The following GRIP1 variants were observed in gnomAD, a reference collection of about 807,000 sequenced individuals.
The protein encoded by GRIP1 is glutamate receptor-interacting protein 1.
A neutral mutation model predicts 129.9 loss-of-function variants in GRIP1; 45 were observed. The observed-to-expected ratio is 0.35, with a 90% CI of 0.27 to 0.44. The LOEUF is 0.44. Ranked by LOEUF, GRIP1 falls within the 20% of genes least tolerant of loss-of-function variation. The pLI is 1.00. For missense variants in GRIP1, 1,196 were observed against 1,396.8 expected, an observed-to-expected ratio of 0.86 and a Z score of 2.29; for synonymous variants, 530 against 520.8, an observed-to-expected ratio of 1.02 and a Z score of -0.24.
At chr12:66,611,272 T>C (rs2139879709) in intron 1 of GRIP1, among the ~76,000 whole-genome samples, 1 of 152,256 alleles carries the variant, frequency 6.6e-6, no homozygotes, top group East Asian at 1.9e-4. Context: ...TCAAATGACA[T>C]TTTTTCTTTC....
At chr12:66,402,080 G>A (rs2057022478) in intron 16 of GRIP1, among the ~76,000 whole-genome samples, 1 of 152,124 alleles carries the variant, frequency 6.6e-6, no homozygotes, top group Admixed American at 6.5e-5. Context: ...TTATGCTTGA[G>A]CCATATCTGC....
rs2063501446 is a variant in GRIP1, at chr12:66,583,795, T to G, written c.136+13052A>C. Among the ~76,000 whole-genome samples, 2 of 134,254 alleles carry G rather than the reference T, an allele frequency of 1.5e-5. 1 individual carries two copies. The highest frequency in any genetic ancestry group is 5.5e-5 in the African/African-American group (2 of 36,626). 88.1% of individuals were successfully genotyped at this position (134,254 alleles called of 152,430 possible). A position where few individuals can be genotyped will look rare whatever the true frequency, so the allele number is the denominator to read the frequency against. ...GAGGATGTGGAGAAATAGGAACACT[T>G]TTACACTGTTGGTGGGACTGTAAAC... is the stretch of plus-strand genomic sequence containing the variant. On this transcript the variant is annotated intron_variant, in intron 2 of 24. Transcript: ENST00000359742.
chr12:66,513,522 A>G (rs1329331733), intron 7 of GRIP1, among the ~76,000 whole-genome samples: 1 of 152,094 alleles, frequency 6.6e-6, no homozygotes, highest in Admixed American at 6.6e-5. Flanking sequence ...ATGCATATCT[A>G]TATCTATAAT....
In GRIP1 at chr12:66,815,511, A is replaced by C. The variant is rs986383012; in HGVS notation, c.59-218584T>G. On this transcript the variant is annotated intron_variant, in intron 1 of 1. Transcript: ENST00000643019. ...CACAGTGACTCATGCCTACAATCCC[A>C]GCACTTTGGGAGGCTGGGGTGAGTG... is the stretch of plus-strand genomic sequence containing the variant. 2.0e-5 allele frequency among the ~76,000 whole-genome samples: 3 copies of C among 152,188 alleles called. No homozygotes were observed. In the South Asian group the frequency reaches 6.2e-4, roughly 31 times the overall value.
intron 1 of GRIP1, among the ~76,000 whole-genome samples, chr12:66,600,922 T>C (rs1470511220): frequency 6.6e-6 from 1 of 152,226 alleles, no homozygotes; most frequent in Non-Finnish European, 1.5e-5. Flanking sequence ...GCCAGCCTTT[T>C]CTAACGACAT....
intron 1 of GRIP1, among the ~76,000 whole-genome samples, chr12:66,672,300 T>C (rs1176842139): frequency 2.6e-5 from 4 of 152,178 alleles, no homozygotes; most frequent in Non-Finnish European, 4.4e-5. Context: ...GTAGTTGGAA[T>C]TATTAGTAAG....
chr12:66,629,578 C>T (rs1475967722), intron 1 of GRIP1, among the ~76,000 whole-genome samples: 1 of 152,164 alleles, frequency 6.6e-6, no homozygotes, highest in Non-Finnish European at 1.5e-5. Context: ...AATTTTTCCA[C>T]AGAAGTCAAT....
intron 7 of GRIP1, among the ~76,000 whole-genome samples, chr12:66,469,252 G>A (rs1361265252): frequency 6.6e-6 from 1 of 152,112 alleles, no homozygotes; most frequent in Admixed American, 6.5e-5. Flanking sequence ...AATTTCCCTA[G>A]TCATTACAAT....
At chr12:66,783,663 C>T (rs1340442456) in intron 1 of GRIP1, among the ~76,000 whole-genome samples, 1 of 152,122 alleles carries the variant, frequency 6.6e-6, no homozygotes, top group Admixed American at 6.5e-5. Context: ...TTACAGTTTT[C>T]TTCTTAAGTA....
At chr12:66,913,323 T>C (rs972507565) in intron 1 of GRIP1, among the ~76,000 whole-genome samples, 3 of 152,204 alleles carry the variant, frequency 2.0e-5, no homozygotes, top group African/African-American at 7.2e-5. Flanking sequence ...TGGAGCATTT[T>C]GCAAGATTAA....
intron 1 of GRIP1, among the ~76,000 whole-genome samples, chr12:66,797,709 G>A (rs1002214516): frequency 5.3e-5 from 8 of 152,078 alleles, no homozygotes; most frequent in Non-Finnish European, 1.0e-4. Flanking sequence ...CTGAGTTCTG[G>A]TCCTTTCTAA....
chr12:66,657,361 G>T (rs531219909), intron 1 of GRIP1, among the ~76,000 whole-genome samples: 2 of 152,292 alleles, frequency 1.3e-5, no homozygotes, highest in East Asian at 3.9e-4. Flanking sequence ...TTTGGGATGG[G>T]AAGGCAGTGG....
At chr12:66,477,970 A>C (rs2059674606) in intron 7 of GRIP1, among the ~76,000 whole-genome samples, 1 of 152,204 alleles carries the variant, frequency 6.6e-6, no homozygotes, top group Admixed American at 6.5e-5. Context: ...AGGGATGGGC[A>C]AGGACTTCAT....
intron 1 of GRIP1, among the ~76,000 whole-genome samples, chr12:66,659,596 T>C (rs1381440994): frequency 6.6e-6 from 1 of 152,258 alleles, no homozygotes; most frequent in Non-Finnish European, 1.5e-5. Flanking sequence ...AGAACACATG[T>C]ACCAGTCTCT....
intron 2 of GRIP1, among the ~76,000 whole-genome samples, chr12:66,592,712 C>T (rs2063892271): frequency 6.6e-6 from 1 of 152,158 alleles, no homozygotes; most frequent in South Asian, 2.1e-4. Context: ...ATGAGACAGA[C>T]ATTATTAAAT....
chr12:66,439,559 C>G (rs1472522264), intron 13 of GRIP1, among the ~76,000 whole-genome samples: 1 of 152,098 alleles, frequency 6.6e-6, no homozygotes, highest in South Asian at 2.1e-4. Context: ...GCCTTTGAAG[C>G]CAGACTGCCT....
intron 7 of GRIP1, among the ~76,000 whole-genome samples, chr12:66,513,378 C>A (rs11613276): frequency 0.47 from 71,371 of 151,742 alleles, 16,964 homozygotes; most frequent in African/African-American, 0.55. Flanking sequence ...GCTTTTTTTG[C>A]GATTTTAAAT....
intron 1 of GRIP1, among the ~76,000 whole-genome samples, chr12:66,620,160 C>T (rs986043814): frequency 3.3e-5 from 5 of 152,172 alleles, no homozygotes; most frequent in Non-Finnish European, 5.9e-5. Flanking sequence ...AAATTGTGTG[C>T]TCCACACATC....
intron 1 of GRIP1, among the ~76,000 whole-genome samples, chr12:66,732,448 G>A (rs1480028): frequency 0.15 from 22,477 of 151,912 alleles, 1,808 homozygotes; most frequent in Non-Finnish European, 0.17. Context: ...AGTTACTTGG[G>A]AGGCGGAGGT....
Sources: gnomAD v4.1 joint callset for allele counts (sites outside exome capture counted in the v4.1 genomes callset) on GRCh38, gnomAD v4.1.1 for gene constraint, MANE v1.5 for transcripts, NCBI Gene and HGNC (gene_info 2026-07-23, HGNC 2026-07-21) for gene names.